The following AOPEP variants were observed in gnomAD, a reference collection of about 807,000 sequenced individuals.
The protein encoded by AOPEP is aminopeptidase O.
AOPEP carries 77 observed loss-of-function variants against 98.1 expected under a neutral mutation model. That is an observed-to-expected ratio of 0.78 (90% CI 0.65 to 0.95). The LOEUF is 0.95. Among genes scored for constraint, AOPEP ranks in the 40% least tolerant of loss-of-function variants. The pLI, the probability that AOPEP is intolerant of heterozygous loss-of-function variation, is 0.00. For synonymous variants in AOPEP, 346 were observed against 365.3 expected (o/e 0.95, Z 0.60); for missense variants, 1,024 against 1,024.7 (o/e 1.00, Z 0.01).
At chr9:95,015,678 A>T (rs571734673) in intron 13 of AOPEP, among the ~76,000 whole-genome samples, 20 of 152,308 alleles carry the variant, frequency 1.3e-4, no homozygotes, top group African/African-American at 4.8e-4. Flanking sequence ...AACAGTTTGG[A>T]TCTCTATAAG....
chr9:95,084,165 AT>A (rs1463076480), intron 16 of AOPEP, among the ~76,000 whole-genome samples: 3 of 152,036 alleles, frequency 2.0e-5, no homozygotes, highest in Non-Finnish European at 4.4e-5. Context: ...CTTCTCTATA[AT>A]TTTTCATGGA....
chr9:94,978,890 A>G (rs1172946373), intron 10 of AOPEP, among the ~76,000 whole-genome samples: 1 of 151,860 alleles, frequency 6.6e-6, no homozygotes. Flanking sequence ...CATTCCTTGC[A>G]CCTGAGCCTC....
intron 13 of AOPEP, among the ~76,000 whole-genome samples, chr9:95,027,407 G>C (rs1263621955): frequency 6.6e-6 from 1 of 152,070 alleles, no homozygotes; most frequent in Non-Finnish European, 1.5e-5. Context: ...TTTTTTTCTT[G>C]TGGACTTGAT....
intron 13 of AOPEP, among the ~76,000 whole-genome samples, chr9:95,056,044 G>A (rs1587828669): frequency 6.6e-6 from 1 of 152,198 alleles, no homozygotes; most frequent in Admixed American, 6.5e-5. Flanking sequence ...AGACTGGAGA[G>A]GGGGAGGCCG....
intron 5 of AOPEP, among the ~76,000 whole-genome samples, chr9:94,881,766 C>T (rs1295173864): frequency 6.6e-6 from 1 of 152,186 alleles, no homozygotes; most frequent in Non-Finnish European, 1.5e-5. Flanking sequence ...TCCGAAACTT[C>T]TTTTGTCTGT....
intron 5 of AOPEP, among the ~76,000 whole-genome samples, chr9:94,901,499 G>A (rs942424997): frequency 2.0e-5 from 3 of 151,722 alleles, no homozygotes; most frequent in Admixed American, 1.3e-4. Flanking sequence ...CCTGATTGTC[G>A]GATTAACCCT....
At chr9:94,867,409 T>C (rs988819491) in intron 5 of AOPEP, among the ~76,000 whole-genome samples, 11 of 152,182 alleles carry the variant, frequency 7.2e-5, no homozygotes, top group African/African-American at 2.7e-4. Context: ...CCTGTTTGCT[T>C]TCAGAGGTCA....
At chr9:94,778,260 T>C (rs758086061) in intron 3 of AOPEP, among the ~76,000 whole-genome samples, 2 of 152,106 alleles carry the variant, frequency 1.3e-5, no homozygotes, top group Non-Finnish European at 2.9e-5. Flanking sequence ...CTTAAACATA[T>C]ATTTACACGA....
At chr9:95,085,911 C>T in intron 16 of AOPEP, 2 of 1,231,706 alleles carry the variant, frequency 1.6e-6, no homozygotes, top group Non-Finnish European at 2.1e-6. Flanking sequence ...GCGCGGTGAA[C>T]TCTCTCTTGT....
the AOPEP span, chr9:95,101,751 T>C: frequency 6.2e-7 from 1 of 1,614,020 alleles, no homozygotes; most frequent in African/African-American, 1.3e-5. Context: ...CGGGCCAGTT[T>C]TTCTGATCTA....
chr9:95,105,745 C>T, the AOPEP span, among the ~76,000 whole-genome samples: 1 of 152,240 alleles, frequency 6.6e-6, no homozygotes, highest in Non-Finnish European at 1.5e-5. Flanking sequence ...ATCCTCGTTT[C>T]TGGCTTATTT....
chr9:94,839,041 G>C (rs2041966720), intron 5 of AOPEP, among the ~76,000 whole-genome samples: 1 of 148,368 alleles, frequency 6.7e-6, no homozygotes, highest in African/African-American at 2.5e-5. Context: ...CTCCCGAGTA[G>C]GTGGGACTAC....
At chr9:95,084,527 T>C (rs1278464938) in intron 16 of AOPEP, among the ~76,000 whole-genome samples, 1 of 152,214 alleles carries the variant, frequency 6.6e-6, no homozygotes, top group Non-Finnish European at 1.5e-5. Context: ...ATGGTGTTTC[T>C]CTTTCGTTTT....
At chr9:95,063,828 C>G (rs2067569061) in intron 14 of AOPEP, among the ~76,000 whole-genome samples, 1 of 152,028 alleles carries the variant, frequency 6.6e-6, no homozygotes, top group African/African-American at 2.4e-5. Flanking sequence ...CCTTCAGGGT[C>G]TGGCCCTCAT....
At chr9:95,083,243 GGCACACGCA>G (rs746610995) in intron 16 of AOPEP, among the ~76,000 whole-genome samples, 9 of 152,086 alleles carry the variant, frequency 5.9e-5, no homozygotes, top group Admixed American at 4.6e-4. Flanking sequence ...AGGCTCTCCA[GGCACACGCA>G]GCACACACAG....
chr9:95,082,857 G>C, intron 16 of AOPEP, 138 bp downstream of exon 16: 3 of 992,720 alleles, frequency 3.0e-6, no homozygotes, highest in Non-Finnish European at 4.4e-6. Context: ...AGGGCCTGGA[G>C]AGTAACTGGC....
chr9:94,933,536 A>G (rs2055732311), intron 7 of AOPEP: 6 of 985,268 alleles, frequency 6.1e-6, no homozygotes, highest in African/African-American at 3.5e-5. Flanking sequence ...ATACAATGCT[A>G]GATAAATGCG....
chr9:95,102,919 G>A, the AOPEP span, among the ~76,000 whole-genome samples: 2 of 152,146 alleles, frequency 1.3e-5, no homozygotes, highest in African/African-American at 2.4e-5. Context: ...CAACGAGCCC[G>A]CCAGGGTCAG....
chr9:95,104,981 G>GC, the AOPEP span, among the ~76,000 whole-genome samples: 1 of 152,222 alleles, frequency 6.6e-6, no homozygotes, highest in African/African-American at 2.4e-5. Flanking sequence ...TCAGTGTAAA[G>GC]CCCTCTAGGT....
Sources: allele counts gnomAD v4.1 joint callset (sites outside exome capture counted in the v4.1 genomes callset), GRCh38; gene constraint gnomAD v4.1.1; transcripts MANE v1.5; gene names NCBI Gene and HGNC (gene_info 2026-07-23, HGNC 2026-07-21).